TENM3: variants seen among roughly 807,000 people sequenced by gnomAD.
TENM3 encodes teneurin transmembrane protein 3.
TENM3 carries 63 observed loss-of-function variants against 255.1 expected under a neutral mutation model. That is an observed-to-expected ratio of 0.25 (90% CI 0.20 to 0.30). The LOEUF is 0.30. Ranked by LOEUF, TENM3 falls within the 10% of genes least tolerant of loss-of-function variation. The pLI, the probability that TENM3 is intolerant of heterozygous loss-of-function variation, is 1.00. For missense variants in TENM3, 2,929 were observed against 3,461.1 expected, an observed-to-expected ratio of 0.85 and a Z score of 3.86; for synonymous variants, 1,306 against 1,322.3, an observed-to-expected ratio of 0.99 and a Z score of 0.27.
the TENM3 span, among the ~76,000 whole-genome samples, chr4:181,759,396 G>C: frequency 6.6e-6 from 1 of 151,922 alleles, no homozygotes. Context: ...ATGTTTGAAA[G>C]TATAAGGATA....
intron 6 of TENM3, among the ~76,000 whole-genome samples, chr4:182,666,779 G>A (rs35222957): frequency 0.22 from 33,117 of 151,648 alleles, 4,028 homozygotes; most frequent in East Asian, 0.38. Flanking sequence ...TGCACCTGTA[G>A]TCCCAGGCAC....
At chr4:181,928,506 C>T in the TENM3 span, among the ~76,000 whole-genome samples, 2 of 151,754 alleles carry the variant, frequency 1.3e-5, no homozygotes, top group Non-Finnish European at 1.5e-5. Context: ...GAAAGAACAA[C>T]ACCACCAAGA....
At chr4:182,219,587 C>T (rs1278277085) in intron 1 of TENM3, among the ~76,000 whole-genome samples, 3 of 152,052 alleles carry the variant, frequency 2.0e-5, no homozygotes, top group Admixed American at 2.0e-4. Context: ...ATTGCTTGAG[C>T]TCAGGAGGCT....
the TENM3 span, among the ~76,000 whole-genome samples, chr4:182,066,390 T>G: frequency 6.6e-6 from 1 of 152,012 alleles, no homozygotes; most frequent in Non-Finnish European, 1.5e-5. Flanking sequence ...TACTAACTAG[T>G]GATAATGATG....
the TENM3 span, among the ~76,000 whole-genome samples, chr4:181,688,780 T>G: frequency 6.6e-6 from 1 of 152,194 alleles, no homozygotes; most frequent in African/African-American, 2.4e-5. Flanking sequence ...GGGGTTTAAG[T>G]GCATGTCTCC....
chr4:181,545,507 T>A, the TENM3 span, among the ~76,000 whole-genome samples: 1 of 152,166 alleles, frequency 6.6e-6, no homozygotes, highest in East Asian at 1.9e-4. Context: ...CTTCTAGGTA[T>A]TTTTATTTTA....
intron 1 of TENM3, among the ~76,000 whole-genome samples, chr4:182,289,443 G>A (rs116336739): frequency 0.022 from 3,335 of 152,300 alleles, 58 homozygotes; most frequent in Non-Finnish European, 0.03. Flanking sequence ...TGCCCAGGAG[G>A]CCACTGGCAC....
At chr4:182,058,874 T>C in the TENM3 span, among the ~76,000 whole-genome samples, 1 of 151,704 alleles carries the variant, frequency 6.6e-6, no homozygotes, top group Non-Finnish European at 1.5e-5. Context: ...AAGCAGATGA[T>C]AGAAATTTGA....
chr4:182,033,799 TTGTC>T, the TENM3 span, among the ~76,000 whole-genome samples: 1 of 152,232 alleles, frequency 6.6e-6, no homozygotes, highest in African/African-American at 2.4e-5. Flanking sequence ...ATGCCCTTCT[TTGTC>T]TTTTTTGATC....
At chr4:181,785,637 C>T in the TENM3 span, among the ~76,000 whole-genome samples, 1 of 152,076 alleles carries the variant, frequency 6.6e-6, no homozygotes, top group East Asian at 1.9e-4. Flanking sequence ...ATTTCAAATT[C>T]CTAATTTTCA....
chr4:181,698,468 A>G, the TENM3 span, among the ~76,000 whole-genome samples: 1 of 152,186 alleles, frequency 6.6e-6, no homozygotes, highest in African/African-American at 2.4e-5. Flanking sequence ...TATTTTAGAA[A>G]AAAAAAATCA....
intron 5 of TENM3, among the ~76,000 whole-genome samples, chr4:182,629,458 A>G (rs1207694304): frequency 6.6e-6 from 1 of 152,190 alleles, no homozygotes; most frequent in African/African-American, 2.4e-5. Context: ...CATGTTTTTC[A>G]TTTGATAGTA....
intron 1 of TENM3, among the ~76,000 whole-genome samples, chr4:182,307,451 C>T (rs1762202461): frequency 6.6e-6 from 1 of 152,084 alleles, no homozygotes; most frequent in African/African-American, 2.4e-5. Flanking sequence ...ATGCCAACAC[C>T]CAGTTGGGAA....
intron 24 of TENM3, among the ~76,000 whole-genome samples, chr4:182,781,826 T>C (rs2152810973): frequency 1.3e-5 from 2 of 151,096 alleles, no homozygotes; most frequent in South Asian, 4.3e-4. Context: ...TTCTAGATTT[T>C]CTAGTTTATT....
At chr4:182,736,047 C>T (rs1180323087) in intron 16 of TENM3, among the ~76,000 whole-genome samples, 1 of 152,068 alleles carries the variant, frequency 6.6e-6, no homozygotes, top group Non-Finnish European at 1.5e-5. Flanking sequence ...ATATTAGTTG[C>T]TCTCTAGGAT....
At chr4:181,866,603 A>T in the TENM3 span, among the ~76,000 whole-genome samples, 2 of 152,226 alleles carry the variant, frequency 1.3e-5, no homozygotes, top group Non-Finnish European at 2.9e-5. Context: ...TTCAGAAAAG[A>T]GAACAACGGC....
intron 12 of TENM3, among the ~76,000 whole-genome samples, chr4:182,692,253 A>C (rs1387873779): frequency 6.6e-6 from 1 of 152,252 alleles, no homozygotes; most frequent in African/African-American, 2.4e-5. Flanking sequence ...ATGCAAATGC[A>C]GTGGTAGGCT....
intron 3 of TENM3, among the ~76,000 whole-genome samples, chr4:182,423,021 T>C (rs1770951082): frequency 6.6e-6 from 1 of 152,194 alleles, no homozygotes; most frequent in Admixed American, 6.5e-5. Context: ...GTTTCTGAAC[T>C]CTTCTTTCTT....
rs1762640929 is a variant in TENM3 at position 182,314,488 on chromosome 4, C to G, written c.-75-9458C>G. ...TCTATACATACAGATCAGCTGCATT[C>G]TTTTGAATCACTGCACAGCATTCCT... On this transcript the variant is annotated intron_variant, in intron 1 of 27. Coordinates refer to ENST00000511685, the MANE Select transcript of TENM3 (RefSeq NM_001080477.4). 2.0e-5 allele frequency among the ~76,000 whole-genome samples: 3 copies of G among 152,208 alleles called. No individual in the cohort carries two copies. In the South Asian group the frequency reaches 6.2e-4, roughly 32 times the overall value.
Sources: allele counts gnomAD v4.1 joint callset (sites outside exome capture counted in the v4.1 genomes callset), GRCh38; gene constraint gnomAD v4.1.1; transcripts MANE v1.5; gene names NCBI Gene and HGNC (gene_info 2026-07-23, HGNC 2026-07-21).